The following ROBO2 variants were observed in gnomAD, a reference collection of about 807,000 sequenced individuals.
ROBO2 encodes the protein roundabout homolog 2.
ROBO2 carries 53 observed loss-of-function variants against 160.8 expected under a neutral mutation model. That is an observed-to-expected ratio of 0.33 (90% CI 0.26 to 0.41). ROBO2 has a LOEUF of 0.41. Ranked by LOEUF, ROBO2 falls within the 10% of genes least tolerant of loss-of-function variation. The probability of loss-of-function intolerance (pLI) is 1.00; values close to 1 mark genes in which losing one functional copy is unlikely to be tolerated. For missense variants in ROBO2, 1,577 were observed against 1,722.4 expected (o/e 0.92, Z 1.49); for synonymous variants, 664 against 611.7 (o/e 1.09, Z -1.26).
At chr3:76,352,644 G>T (rs1201360478) in intron 2 of ROBO2, among the ~76,000 whole-genome samples, 1 of 151,902 alleles carries the variant, frequency 6.6e-6, no homozygotes, top group Non-Finnish European at 1.5e-5. Context: ...GAAAACTTGG[G>T]TGTTACTCTT....
intron 2 of ROBO2, among the ~76,000 whole-genome samples, chr3:76,730,092 C>G (rs1337158538): frequency 2.0e-5 from 3 of 152,080 alleles, no homozygotes; most frequent in African/African-American, 7.2e-5. Context: ...CCTTTCTGAT[C>G]ATTCCCACGT....
intron 2 of ROBO2, among the ~76,000 whole-genome samples, chr3:76,942,871 C>A (rs1577687773): frequency 6.6e-6 from 1 of 151,494 alleles, no homozygotes; most frequent in African/African-American, 2.4e-5. Flanking sequence ...CTGAAAAAAA[C>A]AATAATATTA....
At chr3:77,367,684 G>A (rs1487075016) in intron 2 of ROBO2, among the ~76,000 whole-genome samples, 1 of 152,138 alleles carries the variant, frequency 6.6e-6, no homozygotes, top group Non-Finnish European at 1.5e-5. Context: ...CTTATGCTTA[G>A]CAATGAAAGT....
At chr3:77,512,835 T>G (rs2089565027) in intron 5 of ROBO2, among the ~76,000 whole-genome samples, 1 of 151,940 alleles carries the variant, frequency 6.6e-6, no homozygotes, top group Admixed American at 6.6e-5. Context: ...AAAGAAACAT[T>G]TACTCATATA....
chr3:77,324,653 G>T (rs571401621), intron 2 of ROBO2, among the ~76,000 whole-genome samples: 1 of 121,458 alleles, frequency 8.2e-6, no homozygotes, highest in African/African-American at 4.0e-5. Flanking sequence ...AGTGGTGAGC[G>T]CCTGTAGTCC....
chr3:76,020,224 C>T (rs1001918450), intron 2 of ROBO2, among the ~76,000 whole-genome samples: 8 of 151,754 alleles, frequency 5.3e-5, no homozygotes, highest in Admixed American at 5.3e-4. Context: ...ATTTAAACTG[C>T]CTAATTTTTT....
At chr3:77,360,253 C>CG in intron 2 of ROBO2, among the ~76,000 whole-genome samples, 1 of 63,760 alleles carries the variant, frequency 1.6e-5, no homozygotes, top group South Asian at 9.1e-4. Context: ...TGTAATGCAA[C>CG]CCCCCCCCCA....
At chr3:76,233,651 A>G (rs1704758094) in intron 2 of ROBO2, among the ~76,000 whole-genome samples, 2 of 152,174 alleles carry the variant, frequency 1.3e-5, no homozygotes, top group Non-Finnish European at 2.9e-5. Context: ...TTCAAAGCTG[A>G]ACGTAATTAC....
At chr3:77,108,846 G>A (rs867451835) in intron 2 of ROBO2, among the ~76,000 whole-genome samples, 3 of 152,138 alleles carry the variant, frequency 2.0e-5, no homozygotes, top group South Asian at 2.1e-4. Flanking sequence ...TTTAAATAGC[G>A]AGGTAGAAAT....
At chr3:77,416,614 G>A (rs1049406914) in intron 2 of ROBO2, among the ~76,000 whole-genome samples, 18 of 151,314 alleles carry the variant, frequency 1.2e-4, no homozygotes, top group Non-Finnish European at 1.9e-4. Context: ...CTACTCAGGA[G>A]GCTGAGGCAG....
At position 77,609,437 on chromosome 3, in the gene ROBO2, A is replaced by T. The variant is rs190315930; in HGVS notation, c.3293+1483A>T. 1.4e-4 allele frequency among the ~76,000 whole-genome samples: 22 copies of T among 152,250 alleles called. No individual in the cohort carries two copies. The East Asian group carries it at 1.5e-3, about 11-fold the overall frequency. On this transcript the variant is annotated intron_variant, in intron 21 of 25. Coordinates refer to ENST00000461745, the Ensembl canonical transcript of ROBO2. ...TAAAAGCTATAGTCAGAGACTACAG[A>T]CATGGGGACTTGTAAAACAGGAAGA...
intron 2 of ROBO2, among the ~76,000 whole-genome samples, chr3:76,754,223 A>G (rs1028575350): frequency 6.6e-6 from 1 of 151,966 alleles, no homozygotes; most frequent in Non-Finnish European, 1.5e-5. Context: ...ATTCAAAAAA[A>G]GAAAATGTTT....
chr3:77,467,610 T>TCTAC (rs1418227041), intron 2 of ROBO2, among the ~76,000 whole-genome samples: 1 of 150,504 alleles, frequency 6.6e-6, no homozygotes. Flanking sequence ...TATCTATCTA[T>TCTAC]CTATCTATCT....
At chr3:76,829,676 T>G (rs1173077733) in intron 2 of ROBO2, among the ~76,000 whole-genome samples, 3 of 113,342 alleles carry the variant, frequency 2.6e-5, no homozygotes, top group Non-Finnish European at 5.7e-5. Flanking sequence ...TTTCTTTTTC[T>G]TTTTTTTTTG....
At chr3:77,506,873 T>A (rs1282560756) in intron 5 of ROBO2, among the ~76,000 whole-genome samples, 1 of 152,158 alleles carries the variant, frequency 6.6e-6, no homozygotes, top group Admixed American at 6.6e-5. Flanking sequence ...TGAGATATGA[T>A]GGTTATACAA....
intron 2 of ROBO2, among the ~76,000 whole-genome samples, chr3:77,308,534 A>G (rs1038549504): frequency 5.7e-4 from 87 of 152,294 alleles, no homozygotes; most frequent in African/African-American, 1.9e-3. Flanking sequence ...ACAGAGGAGC[A>G]TGGATGCTGG....
At chr3:77,333,409 G>T (rs2066176706) in intron 2 of ROBO2, among the ~76,000 whole-genome samples, 1 of 152,150 alleles carries the variant, frequency 6.6e-6, no homozygotes. Flanking sequence ...CGTTTTATTA[G>T]ATTGATTAGA....
intron 2 of ROBO2, among the ~76,000 whole-genome samples, chr3:76,722,285 C>A (rs1337935002): frequency 6.6e-6 from 1 of 152,030 alleles, no homozygotes; most frequent in Non-Finnish European, 1.5e-5. Flanking sequence ...CCACGCCTGG[C>A]TAATTTTTGT....
rs2060330882 is a variant in ROBO2 at position 76,985,572 on chromosome 3, T to TC, written c.110-112441dup. Among the ~76,000 whole-genome samples the TC allele has an allele frequency of 7.0e-5, 5 of 71,734 alleles. No homozygotes were observed. The South Asian group carries it at 2.8e-3, about 41-fold the overall frequency. The allele number at this position is 71,734 out of a possible 152,430, so 47.1% of individuals were successfully genotyped here. ...GCCTGGGCGACAAAGCGAGACTCCG[T>TC]CTGAAAAAAAAAAAAAAAAAAAAAA... On this transcript the variant is annotated intron_variant, in intron 2 of 26. Transcript: ENST00000487694.
Sources: allele counts gnomAD v4.1 joint callset (sites outside exome capture counted in the v4.1 genomes callset), GRCh38; gene constraint gnomAD v4.1.1; transcripts MANE v1.5; gene names NCBI Gene and HGNC (gene_info 2026-07-23, HGNC 2026-07-21).